The following DLC1 variants were observed in gnomAD, a reference collection of about 807,000 sequenced individuals.
The protein encoded by DLC1 is DLC1 Rho GTPase activating protein, also known as rho GTPase-activating protein 7.
Under a neutral mutation model 140.3 loss-of-function variants are expected in DLC1, and 54 were observed. The observed-to-expected ratio is 0.38, with a 90% confidence interval of 0.31 to 0.48. The LOEUF (loss-of-function observed/expected upper bound fraction) is 0.48. Ranked by LOEUF, DLC1 falls within the 20% of genes least tolerant of loss-of-function variation. The probability of loss-of-function intolerance (pLI) is 0.96; values close to 1 mark genes in which losing one functional copy is unlikely to be tolerated. For missense variants in DLC1, 2,536 were observed against 1,907.0 expected (o/e 1.33, Z -6.14); for synonymous variants, 986 against 728.1 (o/e 1.35, Z -5.70).
At chr8:13,280,972 T>A (rs764340637) in intron 5 of DLC1, among the ~76,000 whole-genome samples, 1 of 152,134 alleles carries the variant, frequency 6.6e-6, no homozygotes, top group Non-Finnish European at 1.5e-5. Flanking sequence ...GCATAATATA[T>A]CTCCCTAAAA....
At chr8:13,205,954 C>G (rs1166489896) in intron 5 of DLC1, among the ~76,000 whole-genome samples, 1 of 152,136 alleles carries the variant, frequency 6.6e-6, no homozygotes, top group Non-Finnish European at 1.5e-5. Flanking sequence ...CACCTTCTCC[C>G]CCATGGAAGG....
At chr8:13,435,596 G>A (rs1378698702) in intron 2 of DLC1, among the ~76,000 whole-genome samples, 1 of 152,216 alleles carries the variant, frequency 6.6e-6, no homozygotes, top group Admixed American at 6.5e-5. Context: ...TTACAAGAGT[G>A]AGCCACTGTG....
At position 13,092,620 on chromosome 8, in the gene DLC1, G is replaced by C; in HGVS notation, c.3732C>G (p.Ser1244=). ...TCCCATGCAGCCCGTACCTGGGAGA[G>C]GAATTCTCTCTCTTCAGGGTGTTGA... The part of the protein sequence containing the change: ...FHLNTLKREN[S]SPRVMQRKQS... Residue 1244 remains serine (S), a synonymous_variant, in exon 13 of 18, where the codon TCC becomes TCG. Coordinates refer to ENST00000276297, the MANE Select transcript of DLC1 (RefSeq NM_182643.3). 1 of 1,614,102 alleles carries C rather than the reference G, an allele frequency of 6.2e-7. No homozygotes were observed. Among genetic ancestry groups the C allele is most frequent in the African/African-American group, 1.3e-5 (1 of 75,062 alleles).
intron 6 of DLC1, among the ~76,000 whole-genome samples, chr8:13,113,024 C>A (rs1484874272): frequency 1.3e-5 from 2 of 151,878 alleles, no homozygotes; most frequent in African/African-American, 2.4e-5. Context: ...GTTAGTATAC[C>A]CAGAGCCATA....
chr8:13,540,557 C>A (rs1470020475), intron 1 of DLC1, among the ~76,000 whole-genome samples: 11 of 152,184 alleles, frequency 7.2e-5, no homozygotes, highest in Admixed American at 7.2e-4. Flanking sequence ...CAAAATGTGT[C>A]TGCGCAGACT....
intron 2 of DLC1, among the ~76,000 whole-genome samples, chr8:13,467,878 A>C (rs1800012381): frequency 6.6e-6 from 1 of 152,214 alleles, no homozygotes; most frequent in Non-Finnish European, 1.5e-5. Flanking sequence ...TCTAATAGTA[A>C]AATGCCCATT....
intron 4 of DLC1, among the ~76,000 whole-genome samples, chr8:13,334,370 C>T (rs1300950370): frequency 6.6e-6 from 1 of 152,136 alleles, no homozygotes; most frequent in Non-Finnish European, 1.5e-5. Flanking sequence ...CAGGCCAGAT[C>T]TGTGAGCCCC....
At chr8:13,188,485 TG>T (rs1217488666) in intron 5 of DLC1, among the ~76,000 whole-genome samples, 1 of 149,358 alleles carries the variant, frequency 6.7e-6, no homozygotes, top group Non-Finnish European at 1.5e-5. Flanking sequence ...CAGTTACTTT[TG>T]GGAGTTGAGA....
At chr8:13,160,368 C>G (rs1339985133) in intron 5 of DLC1, 2 of 152,264 alleles carry the variant, frequency 1.3e-5, no homozygotes, top group East Asian at 3.8e-4. Flanking sequence ...AAGAATGACT[C>G]TGATGAGTGG....
intron 1 of DLC1, among the ~76,000 whole-genome samples, chr8:13,546,248 G>A (rs17094601): frequency 6.6e-6 from 1 of 151,888 alleles, no homozygotes; most frequent in South Asian, 2.1e-4. Context: ...GAATTTTATG[G>A]TCTGAAATTA....
chr8:13,174,910 G>A (rs1490632005), intron 5 of DLC1, among the ~76,000 whole-genome samples: 1 of 152,002 alleles, frequency 6.6e-6, no homozygotes, highest in East Asian at 1.9e-4. Flanking sequence ...TGATTTTGAG[G>A]ACTTAGTCAT....
chr8:13,532,927 G>A (rs1165172208), intron 1 of DLC1, among the ~76,000 whole-genome samples: 2 of 152,096 alleles, frequency 1.3e-5, no homozygotes, highest in East Asian at 3.9e-4. Flanking sequence ...GCAAAAAAGT[G>A]AATAAAAGGA....
intron 1 of DLC1, among the ~76,000 whole-genome samples, chr8:13,527,395 A>G (rs559786519): frequency 6.6e-6 from 1 of 152,240 alleles, no homozygotes; most frequent in Admixed American, 6.5e-5. Context: ...GTCAAATTTC[A>G]TTGATTAATT....
chr8:13,425,329 T>A (rs1386856004), intron 2 of DLC1, among the ~76,000 whole-genome samples: 1 of 152,188 alleles, frequency 6.6e-6, no homozygotes, highest in Non-Finnish European at 1.5e-5. Flanking sequence ...TCAATATTGA[T>A]GGAGCCATGT....
intron 5 of DLC1, among the ~76,000 whole-genome samples, chr8:13,278,367 C>A (rs1831249574): frequency 6.6e-6 from 1 of 152,156 alleles, no homozygotes. Context: ...TGAATCATGT[C>A]ATCTGGACCT....
At chr8:13,241,618 A>G (rs1053636022) in intron 5 of DLC1, among the ~76,000 whole-genome samples, 1 of 152,180 alleles carries the variant, frequency 6.6e-6, no homozygotes, top group African/African-American at 2.4e-5. Context: ...CCCTGCATCC[A>G]AGTCCTCTAA....
At chr8:13,604,287 A>T (rs1437259668) in intron 1 of DLC1, among the ~76,000 whole-genome samples, 1 of 152,192 alleles carries the variant, frequency 6.6e-6, no homozygotes, top group Admixed American at 6.5e-5. Context: ...TATTTCCATG[A>T]GAAAGCATTA....
chr8:13,305,020 T>A, intron 5 of DLC1: 1 of 1,119,864 alleles, frequency 8.9e-7, no homozygotes, highest in Non-Finnish European at 1.1e-6. Context: ...AAAAAAATTG[T>A]GGTTGCAGTT....
intron 5 of DLC1, among the ~76,000 whole-genome samples, chr8:13,208,568 CT>C (rs773871400): frequency 4.3e-4 from 65 of 152,036 alleles, no homozygotes; most frequent in Non-Finnish European, 8.8e-4. Flanking sequence ...ATTAAAAGTT[CT>C]TCTTATGTGA....
Sources: allele counts gnomAD v4.1 joint callset (sites outside exome capture counted in the v4.1 genomes callset), GRCh38; gene constraint gnomAD v4.1.1; transcripts MANE v1.5; gene names NCBI Gene and HGNC (gene_info 2026-07-23, HGNC 2026-07-21).